TSPEAR: variants seen among roughly 807,000 people sequenced by gnomAD.
The protein encoded by TSPEAR is thrombospondin-type laminin G domain and EAR repeat-containing protein.
TSPEAR carries 69 observed loss-of-function variants against 71.6 expected under a neutral mutation model. The ratio of observed to expected loss-of-function variants is 0.96; its 90% confidence interval spans 0.79 to 1.18. The LOEUF (loss-of-function observed/expected upper bound fraction) is 1.18. Among genes scored for constraint, TSPEAR ranks in the 50% most tolerant of loss-of-function variants. TSPEAR has a pLI of 0.00. For missense variants in TSPEAR, 971 were observed against 894.9 expected (o/e 1.09, Z -1.09); for synonymous variants, 402 against 387.2 (o/e 1.04, Z -0.45).
intron 1 of TSPEAR, among the ~76,000 whole-genome samples, chr21:44,706,768 G>C (rs1248135515): frequency 6.6e-6 from 1 of 152,174 alleles, no homozygotes; most frequent in Non-Finnish European, 1.5e-5. Flanking sequence ...TAGAAGCGAG[G>C]CGAGCTTCTC....
At chr21:44,641,384 C>T (rs1326401674) in intron 1 of TSPEAR, among the ~76,000 whole-genome samples, 1 of 152,160 alleles carries the variant, frequency 6.6e-6, no homozygotes, top group Non-Finnish European at 1.5e-5. Context: ...CAATGATGGT[C>T]TGCATAATAG....
intron 1 of TSPEAR, among the ~76,000 whole-genome samples, chr21:44,635,886 T>C (rs1983533190): frequency 6.6e-6 from 1 of 152,220 alleles, no homozygotes; most frequent in African/African-American, 2.4e-5. Context: ...TGCTGGATAT[T>C]ATCAGCATTT....
chr21:44,708,442 G>A (rs950584165), intron 1 of TSPEAR, among the ~76,000 whole-genome samples: 4 of 152,138 alleles, frequency 2.6e-5, no homozygotes, highest in Admixed American at 2.0e-4. Flanking sequence ...AGAGGACAGA[G>A]GTTGAGGGCA....
At chr21:44,686,877 T>C (rs1986884574) in intron 1 of TSPEAR, among the ~76,000 whole-genome samples, 1 of 152,206 alleles carries the variant, frequency 6.6e-6, no homozygotes, top group African/African-American at 2.4e-5. Context: ...TGTTTCTCGT[T>C]GTCCTTTGCC....
intron 1 of TSPEAR, among the ~76,000 whole-genome samples, chr21:44,636,302 T>A (rs1569232215): frequency 6.6e-6 from 1 of 152,216 alleles, no homozygotes; most frequent in African/African-American, 2.4e-5. Flanking sequence ...CATCTGACCC[T>A]CTGACATTCC....
intron 1 of TSPEAR, chr21:44,580,080 G>C: frequency 1.9e-6 from 3 of 1,613,120 alleles, no homozygotes; most frequent in Non-Finnish European, 2.5e-6. Context: ...TGCTGGCAGG[G>C]GGAGGAGGTG....
chr21:44,634,713 T>C (rs1983443651), intron 1 of TSPEAR, among the ~76,000 whole-genome samples: 1 of 152,160 alleles, frequency 6.6e-6, no homozygotes, highest in African/African-American at 2.4e-5. Flanking sequence ...AAATGGATGA[T>C]ACACGCAGGA....
At chr21:44,600,585 C>T (rs1555928327) in intron 1 of TSPEAR, 1 of 1,592,526 alleles carries the variant, frequency 6.3e-7, no homozygotes, top group East Asian at 2.2e-5. Flanking sequence ...CACTCACTCA[C>T]CCACTCACTC....
chr21:44,609,796 C>G (rs1172557067), intron 1 of TSPEAR, among the ~76,000 whole-genome samples: 1 of 152,114 alleles, frequency 6.6e-6, no homozygotes, highest in Admixed American at 6.5e-5. Context: ...ACAATATTTA[C>G]TTTATTATAA....
At chr21:44,637,619 A>AG in intron 1 of TSPEAR, 1 of 1,613,894 alleles carries the variant, frequency 6.2e-7, no homozygotes, top group Non-Finnish European at 8.5e-7. Context: ...AGGCTACACC[A>AG]GCTCCTGCAC....
chr21:44,531,219 C>A, intron 3 of TSPEAR, 86 bp from the exon 4 acceptor site: 3 of 1,063,822 alleles, frequency 2.8e-6, no homozygotes, highest in Non-Finnish European at 2.8e-6. Context: ...AAGCCCCTCA[C>A]TAAGCAGCGT....
At chr21:44,705,016 C>T (rs1266571704) in intron 1 of TSPEAR, among the ~76,000 whole-genome samples, 5 of 152,232 alleles carry the variant, frequency 3.3e-5, no homozygotes, top group African/African-American at 1.2e-4. Flanking sequence ...CAGCCCCTAA[C>T]CCCCTGTTGC....
chr21:44,580,325 T>G (rs782247137), intron 1 of TSPEAR: 1 of 1,613,902 alleles, frequency 6.2e-7, no homozygotes, highest in East Asian at 2.2e-5. Flanking sequence ...GCAGGCCTGC[T>G]GGCAGGGGGA....
At position 44,642,741 on chromosome 21, in the gene TSPEAR, C is replaced by G. The variant is rs1226894116; in HGVS notation, c.82+68692G>C. Reference sequence around the variant, plus strand: ...CCTGTAGTCCCAGCTACCTGGGAGGCTGAGGCAGGAGAATGGCGTGAACCT... The same window carrying G: ...CCTGTAGTCCCAGCTACCTGGGAGGGTGAGGCAGGAGAATGGCGTGAACCT... On this transcript the variant is annotated intron_variant, in intron 1 of 11. Coordinates refer to ENST00000323084, the MANE Select transcript of TSPEAR (RefSeq NM_144991.3). This position sits in a 1 kb window ranked among gnomAD's most constrained non-coding sequence, Gnocchi z 4.1. 6.6e-6 allele frequency among the ~76,000 whole-genome samples: 1 copy of G among 151,920 alleles called. No individual in the cohort carries two copies. Among genetic ancestry groups the G allele is most frequent in the Non-Finnish European group, 1.5e-5 (1 of 68,000 alleles).
At chr21:44,563,777 C>T (rs1451961496) in intron 2 of TSPEAR, among the ~76,000 whole-genome samples, 1 of 152,142 alleles carries the variant, frequency 6.6e-6, no homozygotes, top group Non-Finnish European at 1.5e-5. Flanking sequence ...TTCTTGTAAT[C>T]CTCTGGTCGC....
intron 1 of TSPEAR, chr21:44,628,229 C>G (rs587705618): frequency 1.5e-6 from 1 of 679,246 alleles, no homozygotes. Flanking sequence ...CCCGGGCAGG[C>G]GAGCCCTGGC....
At chr21:44,639,710 C>T (rs961930481) in intron 1 of TSPEAR, among the ~76,000 whole-genome samples, 5 of 152,206 alleles carry the variant, frequency 3.3e-5, no homozygotes, top group Non-Finnish European at 5.9e-5. Flanking sequence ...CATGTCTGAG[C>T]CCCACATCAC....
intron 1 of TSPEAR, among the ~76,000 whole-genome samples, chr21:44,696,815 G>T (rs1048092835): frequency 6.6e-6 from 1 of 152,160 alleles, no homozygotes; most frequent in African/African-American, 2.4e-5. Context: ...ACGGCCCCAC[G>T]GTCCCGCTCA....
chr21:44,512,332 G>A (rs1336546117), intron 9 of TSPEAR, among the ~76,000 whole-genome samples: 1 of 150,936 alleles, frequency 6.6e-6, no homozygotes, highest in Non-Finnish European at 1.5e-5. Flanking sequence ...TGAGCCAAGT[G>A]CTGTGGGGGT....
Sources: gnomAD v4.1 joint callset for allele counts (sites outside exome capture counted in the v4.1 genomes callset) on GRCh38, gnomAD v4.1.1 for gene constraint, Gnocchi (gnomAD v3.1) non-coding constraint, MANE v1.5 for transcripts, NCBI Gene and HGNC (gene_info 2026-07-23, HGNC 2026-07-21) for gene names.